MESD: variants seen among roughly 807,000 people sequenced by gnomAD.
MESD encodes the protein mesoderm development LRP chaperone.
A neutral mutation model predicts 12.9 loss-of-function variants in MESD; 7 were observed. That is an observed-to-expected ratio of 0.54 (90% confidence interval 0.31 to 1.02). MESD has a LOEUF of 1.02. Among genes scored for constraint, MESD ranks in the 50% least tolerant of loss-of-function variants. The pLI, the probability that MESD is intolerant of heterozygous loss-of-function variation, is 0.05. For missense variants in MESD, 342 were observed against 296.7 expected, an observed-to-expected ratio of 1.15 and a Z score of -1.12; for synonymous variants, 126 against 115.6, an observed-to-expected ratio of 1.09 and a Z score of -0.58.
At chr15:80,962,830 T>C (rs925689843) in intron 3 of MESD, among the ~76,000 whole-genome samples, 3 of 152,198 alleles carry the variant, frequency 2.0e-5, no homozygotes, top group African/African-American at 7.2e-5. Flanking sequence ...GGGACACATT[T>C]AAAGCAGTGT....
chr15:80,960,207 A>G (rs1437924188), intron 3 of MESD, among the ~76,000 whole-genome samples: 3 of 152,086 alleles, frequency 2.0e-5, no homozygotes, highest in Non-Finnish European at 4.4e-5. Context: ...TCTACAAAAA[A>G]CACAAAAATT....
chr15:80,982,837 T>C (rs752022201), intron 1 of MESD, among the ~76,000 whole-genome samples: 5 of 152,126 alleles, frequency 3.3e-5, no homozygotes, highest in Non-Finnish European at 7.4e-5. Flanking sequence ...TCCCAGCACT[T>C]TGGGAGGCTG....
chr15:80,948,667 G>A (rs2141766604), exon 5 of MESD: 1 of 1,209,058 alleles, frequency 8.3e-7, no homozygotes, highest in East Asian at 2.3e-5. Context: ...CTTCCCAAGG[G>A]GCCACAGTGC....
At chr15:80,957,253 C>T (rs1458523909) in intron 3 of MESD, among the ~76,000 whole-genome samples, 1 of 151,954 alleles carries the variant, frequency 6.6e-6, no homozygotes, top group African/African-American at 2.4e-5. Flanking sequence ...AATGAGACAT[C>T]TCCCTACCAC....
chr15:80,973,918 G>A (rs772337661), downstream of MESD, among the ~76,000 whole-genome samples: 16 of 152,216 alleles, frequency 1.1e-4, no homozygotes, highest in East Asian at 3.9e-4. Flanking sequence ...TTTCTTCTCC[G>A]GAGATCGGAA....
chr15:80,989,073 T>C (rs745364781), intron 1 of MESD, among the ~76,000 whole-genome samples: 1 of 152,106 alleles, frequency 6.6e-6, no homozygotes, highest in African/African-American at 2.4e-5. Context: ...CAGGGACATA[T>C]ACCAAAATAG....
At chr15:80,985,369 T>C (rs1902701027) in intron 1 of MESD, among the ~76,000 whole-genome samples, 1 of 152,182 alleles carries the variant, frequency 6.6e-6, no homozygotes, top group South Asian at 2.1e-4. Context: ...ACTGTATCTG[T>C]TGGCTATGAC....
At chr15:80,983,215 C>T (rs1902631177) in intron 1 of MESD, among the ~76,000 whole-genome samples, 1 of 151,610 alleles carries the variant, frequency 6.6e-6, no homozygotes, top group Admixed American at 6.6e-5. Flanking sequence ...TGCATTCCAG[C>T]CTGGGAGACA....
chr15:80,978,476 A>C lies in MESD; in HGVS notation c.*743T>G, dbSNP rs571995062. On this transcript the variant is annotated 3_prime_UTR_variant, in exon 3 of 3. Transcript: ENST00000261758. ...TGCAAAGGACTCTGATTCCCTACTT[A>C]AATCCTTTAAAACTGTCACATTAAA... is the stretch of plus-strand genomic sequence containing the variant. The C allele has an allele frequency of 2.0e-5, 3 of 152,322 alleles. No homozygotes were observed. In the East Asian group the frequency reaches 5.8e-4, roughly 29 times the overall value. The allele number at this position is 152,322 out of a possible 1,614,324, so 9.4% of individuals were successfully genotyped here.
chr15:80,980,209 T>C (rs888157984), intron 2 of MESD, among the ~76,000 whole-genome samples: 2 of 152,234 alleles, frequency 1.3e-5, no homozygotes, highest in South Asian at 4.1e-4. Context: ...ATTTATTTGT[T>C]CTGTCTAGGT....
At chr15:80,967,854 T>C (rs149690411) in intron 3 of MESD, among the ~76,000 whole-genome samples, 141 of 152,308 alleles carry the variant, frequency 9.3e-4, no homozygotes, top group Non-Finnish European at 1.2e-3. Flanking sequence ...AGATTTAAAA[T>C]TGCAAGTTGG....
At chr15:80,965,866 T>C (rs928956368) in intron 3 of MESD, among the ~76,000 whole-genome samples, 2 of 152,038 alleles carry the variant, frequency 1.3e-5, no homozygotes, top group African/African-American at 2.4e-5. Context: ...GATGAGTTGA[T>C]GGGTGCAGCA....
At chr15:80,954,895 T>C (rs1481850642) in intron 3 of MESD, among the ~76,000 whole-genome samples, 4 of 152,230 alleles carry the variant, frequency 2.6e-5, no homozygotes, top group Non-Finnish European at 1.5e-5. Flanking sequence ...ATTTTACGTA[T>C]GGCCCAAGAC....
At chr15:80,959,065 C>T (rs1303828915) in intron 3 of MESD, among the ~76,000 whole-genome samples, 1 of 152,240 alleles carries the variant, frequency 6.6e-6, no homozygotes, top group African/African-American at 2.4e-5. Flanking sequence ...AAGAGAACCC[C>T]TCTTGGGGAG....
intron 4 of MESD, chr15:80,951,625 A>ACTGT (rs1901834963): frequency 6.5e-6 from 1 of 152,780 alleles, no homozygotes; most frequent in African/African-American, 2.4e-5. Flanking sequence ...TCAAGAAGTC[A>ACTGT]CTGTCAGAGA....
intron 3 of MESD, among the ~76,000 whole-genome samples, chr15:80,956,819 T>C (rs546506017): frequency 6.6e-6 from 1 of 151,592 alleles, no homozygotes; most frequent in South Asian, 2.1e-4. Context: ...TCATCTTCTC[T>C]CTTTTTTTTT....
In MESD at chr15:80,989,818, A is replaced by C. The variant is rs563525164; in HGVS notation, c.-27T>G. 2 of 1,539,960 alleles carry C rather than the reference A, an allele frequency of 1.3e-6. No individual in the cohort carries two copies. Among genetic ancestry groups the C allele is most frequent in the African/African-American group, 1.4e-5 (1 of 72,852 alleles). On this transcript the variant is annotated 5_prime_UTR_variant, in exon 1 of 3. Coordinates refer to ENST00000261758, the MANE Select transcript of MESD (RefSeq NM_015154.3). ...TTCGCTGCGCCGCGCAGCGCCCTAG[A>C]CGCGCTTACCCGACCTGCGCGGGCC...
chr15:80,969,858 AAAC>A (rs1488464902), intron 3 of MESD, among the ~76,000 whole-genome samples: 4 of 152,138 alleles, frequency 2.6e-5, no homozygotes, highest in Non-Finnish European at 5.9e-5. Context: ...CTGTCTTAAA[AAAC>A]AACAACAAAA....
intron 4 of MESD, chr15:80,949,041 T>A: frequency 7.2e-7 from 1 of 1,394,230 alleles, no homozygotes. Context: ...GGGAAGGCCG[T>A]GTTTCAGCCC....
Sources: gnomAD v4.1 joint callset for allele counts (sites outside exome capture counted in the v4.1 genomes callset) on GRCh38, gnomAD v4.1.1 for gene constraint, MANE v1.5 for transcripts, NCBI Gene and HGNC (gene_info 2026-07-23, HGNC 2026-07-21) for gene names.